Variants in NR2E1 observed in about 807,000 individuals in gnomAD.
The protein encoded by NR2E1 is nuclear receptor TLX.
In NR2E1, 5 loss-of-function variants were observed where a neutral mutation model predicts 43.6. The observed-to-expected ratio is 0.11, with a 90% CI of 0.06 to 0.24. The LOEUF (loss-of-function observed/expected upper bound fraction) is 0.24, where lower values mean the gene tolerates loss of function less well. Ranked by LOEUF, NR2E1 falls within the 10% of genes least tolerant of loss-of-function variation. NR2E1 has a pLI of 1.00. For missense variants in NR2E1, 287 were observed against 496.7 expected, an observed-to-expected ratio of 0.58 and a Z score of 4.01; for synonymous variants, 191 against 195.5, an observed-to-expected ratio of 0.98 and a Z score of 0.19.
At chr6:108,171,624 C>T (rs560309420) in intron 2 of NR2E1, 21 bp downstream of exon 2, 1 of 1,613,752 alleles carries the variant, frequency 6.2e-7, no homozygotes, top group Non-Finnish European at 8.5e-7. Context: ...CAGGGCTGCA[C>T]TGCTGGGCTC....
At position 108,181,088 on chromosome 6, in the gene NR2E1, TG is replaced by T. The variant is rs760105164; in HGVS notation, c.889+134del. On this transcript the variant is annotated intron_variant, in intron 7 of 8. Transcript: ENST00000368986. ...TTCAAGGGAGCTGATACTCTTAATC[TG>T]GCCCCATTTTTTATTGCTATGGGAA... 2.8e-4 allele frequency: 281 copies of T among 993,760 alleles called. 1 individual carries two copies. The highest frequency in any genetic ancestry group is 4.3e-4 in the Non-Finnish European group (272 of 625,656). 61.6% of individuals were successfully genotyped at this position (993,760 alleles called of 1,614,324 possible).
At chr6:108,185,781 A>G (rs938778105) in intron 8 of NR2E1, among the ~76,000 whole-genome samples, 1 of 152,224 alleles carries the variant, frequency 6.6e-6, no homozygotes, top group Non-Finnish European at 1.5e-5. Flanking sequence ...CCCTTTCCCA[A>G]CTAAAGAATA....
At chr6:108,177,373 C>G (rs1267956782) in intron 4 of NR2E1, among the ~76,000 whole-genome samples, 1 of 152,228 alleles carries the variant, frequency 6.6e-6, no homozygotes, top group Non-Finnish European at 1.5e-5. Context: ...CCTGAACCAC[C>G]TGGAAAGGCT....
In NR2E1 at chr6:108,169,416, G is replaced by A. The variant is rs1366623862; in HGVS notation, c.26-2042G>A. 6.6e-6 allele frequency among the ~76,000 whole-genome samples: 1 copy of A among 152,168 alleles called. No homozygotes were observed. Among genetic ancestry groups the A allele is most frequent in the Non-Finnish European group, 1.5e-5 (1 of 68,040 alleles). Reference sequence around the variant, plus strand: ...AGATGTTGTCATGGGCCTCCTGTCCGGATGGGAAGTGGGGAAAAAGAGACC... The same window carrying A: ...AGATGTTGTCATGGGCCTCCTGTCCAGATGGGAAGTGGGGAAAAAGAGACC... On this transcript the variant is annotated intron_variant, in intron 1 of 8. Transcript: ENST00000368986. The surrounding 1 kb of genome is among the most constrained non-coding windows in gnomAD (Gnocchi z 6.1).
At chr6:108,171,714 TG>T (rs1773815261) in intron 2 of NR2E1, 111 bp downstream of exon 2, 3 of 1,376,660 alleles carry the variant, frequency 2.2e-6, no homozygotes, top group Non-Finnish European at 3.1e-6. Context: ...GACCCGGCCC[TG>T]ACCTCTCCCT....
chr6:108,178,140 G>A lies in NR2E1; in HGVS notation c.541G>A (p.Ala181Thr). The A allele has an allele frequency of 5.0e-6, 8 of 1,614,160 alleles. No homozygotes were observed. Among genetic ancestry groups the A allele is most frequent in the Non-Finnish European group, 6.8e-6 (8 of 1,180,034 alleles). ...GACCCCAATGTATCTCTATGAAGTG[G>A]CCACGGAGTCGGTGTGTGAATCAGC... is the stretch of plus-strand genomic sequence containing the variant. ...NGTPMYLYEV[A>T]TESVCESAAR... The change falls in exon 5 of 9, where the codon GCC becomes ACC. Residue 181 changes from alanine to threonine, a missense_variant. Physicochemically the swap from Ala to Thr is moderately conservative, Grantham distance 58 (BLOSUM62 0). Transcript: ENST00000368986.
intron 7 of NR2E1, 49 bp from the exon 8 acceptor site, chr6:108,181,497 G>T: frequency 6.7e-7 from 1 of 1,497,332 alleles, no homozygotes. Flanking sequence ...TCGGCTCCCA[G>T]ATGCAATTTC....
In NR2E1 at chr6:108,169,174, C is replaced by T. The variant is rs1264242325; in HGVS notation, c.26-2284C>T. On this transcript the variant is annotated intron_variant, in intron 1 of 8. Coordinates refer to ENST00000368986, the MANE Select transcript of NR2E1 (RefSeq NM_003269.5). This position sits in a 1 kb window ranked among gnomAD's most constrained non-coding sequence, Gnocchi z 6.1. ...GAGTCTGAGGCACAGGCCCGCTATG[C>T]CCCGGAATTTTCGCGTCCCTCCCTC... 6.6e-6 allele frequency among the ~76,000 whole-genome samples: 1 copy of T among 152,182 alleles called. No individual in the cohort carries two copies. The highest frequency in any genetic ancestry group is 1.5e-5 in the Non-Finnish European group (1 of 68,014).
In NR2E1 at chr6:108,178,114, G is replaced by T. The variant is rs763298199; in HGVS notation, c.515G>T (p.Gly172Val). The T allele has an allele frequency of 1.2e-6, 2 of 1,614,130 alleles. No individual in the cohort carries two copies. The highest frequency in any genetic ancestry group is 1.7e-6 in the Non-Finnish European group (2 of 1,180,040). The change falls in exon 5 of 9, where the codon GGG becomes GTG. Residue 172 changes from glycine to valine, a missense_variant. Physicochemically the swap from Gly to Val is moderately radical, Grantham distance 109 (BLOSUM62 -3). This residue lies in a region of NR2E1 where 119 missense variants were observed against 155.7 expected (regional missense o/e 0.76). Coordinates refer to ENST00000368986, the MANE Select transcript of NR2E1 (RefSeq NM_003269.5). ...PTPKYPHEVN[G>V]TPMYLYEVAT... ...ACCCAGTACCCCCATGAAGTGAATG[G>T]GACCCCAATGTATCTCTATGAAGTG...
At chr6:108,171,373 T>C in intron 1 of NR2E1, 85 bp from the exon 2 acceptor site, 1 of 1,425,030 alleles carries the variant, frequency 7.0e-7, no homozygotes, top group Middle Eastern at 2.1e-4. Flanking sequence ...AGCATCTCTC[T>C]CTCCCTCTCC....
chr6:108,170,333 A>G (rs1773790175), intron 1 of NR2E1, among the ~76,000 whole-genome samples: 1 of 152,212 alleles, frequency 6.6e-6, no homozygotes, highest in Non-Finnish European at 1.5e-5. Context: ...TTAAAGTGTT[A>G]ATTAAGTTAA....
chr6:108,183,360 A>G (rs1562406878), intron 8 of NR2E1, among the ~76,000 whole-genome samples: 1 of 152,010 alleles, frequency 6.6e-6, no homozygotes, highest in Non-Finnish European at 1.5e-5. Context: ...AAAAAAAAAA[A>G]GAAGAAGTGT....
In NR2E1 at chr6:108,176,596, C is replaced by G. The variant is rs150623337; in HGVS notation, c.353C>G (p.Ala118Gly). 47 of 1,612,646 alleles carry G rather than the reference C, an allele frequency of 2.9e-5. No individual in the cohort carries two copies. The highest frequency in any genetic ancestry group is 3.8e-5 in the Non-Finnish European group (45 of 1,179,886). ...CACAAGGAGGAGAACGGGGCCGCCGCGCACTTTCCCTCGGCGGCGCTCCCT... is the reference window on the plus strand; with the variant it reads ...CACAAGGAGGAGAACGGGGCCGCCGGGCACTTTCCCTCGGCGGCGCTCCCT... The part of the protein sequence containing the change: ...RGHKEENGAA[A>G]HFPSAALPAP... Residue 118 changes from alanine to glycine, a missense_variant, in exon 4 of 9, where the codon GCG (alanine) becomes GGG (glycine). Transcript: ENST00000368986.
intron 5 of NR2E1, among the ~76,000 whole-genome samples, chr6:108,178,537 C>T (rs1014758839): frequency 6.6e-5 from 10 of 152,150 alleles, no homozygotes; most frequent in African/African-American, 2.4e-4. Flanking sequence ...CAAATATAAT[C>T]TCAAATTTTA....
At chr6:108,182,244 A>G (rs548955009) in intron 8 of NR2E1, among the ~76,000 whole-genome samples, 73 of 144,764 alleles carry the variant, frequency 5.0e-4, no homozygotes, top group African/African-American at 2.0e-3. Context: ...TCCGTCTCAA[A>G]AAAAAAAAAA....
At chr6:108,183,425 CTT>C (rs1332820732) in intron 8 of NR2E1, among the ~76,000 whole-genome samples, 1 of 151,358 alleles carries the variant, frequency 6.6e-6, no homozygotes, top group Non-Finnish European at 1.5e-5. Context: ...GAAATGGAAA[CTT>C]TCTAGTTTCC....
chr6:108,174,760 T>A (rs1773869053), intron 2 of NR2E1, 76 bp from the exon 3 acceptor site: 2 of 1,313,960 alleles, frequency 1.5e-6, no homozygotes, highest in South Asian at 2.4e-5. Context: ...CCACACCGTT[T>A]CCCCGCCCGG....
At chr6:108,172,486 A>G (rs778265609) in intron 2 of NR2E1, among the ~76,000 whole-genome samples, 1 of 152,198 alleles carries the variant, frequency 6.6e-6, no homozygotes, top group Non-Finnish European at 1.5e-5. Context: ...TTCCAGCTCA[A>G]TAATAGGCTG....
Position 108,166,439 on chromosome 6 carries a change from T to C in NR2E1, c.-327T>C, listed in dbSNP as rs577766468. The C allele has an allele frequency of 4.8e-5, 16 of 334,652 alleles. No homozygotes were observed. The highest frequency in any genetic ancestry group is 2.9e-4 in the African/African-American group (13 of 45,580). 20.7% of individuals were successfully genotyped at this position (334,652 alleles called of 1,614,324 possible). ...CTCCATCTCTGTCTTTCAACATCCC[T>C]CTCTTGCTGTTCTTCCTTCTTCCTC... is the stretch of plus-strand genomic sequence containing the variant. On this transcript the variant is annotated 5_prime_UTR_variant, in exon 1 of 9. Coordinates refer to ENST00000368986, the MANE Select transcript of NR2E1 (RefSeq NM_003269.5). The surrounding 1 kb of genome is among the most constrained non-coding windows in gnomAD (Gnocchi z 7.2).
Sources: allele counts gnomAD v4.1 joint callset (sites outside exome capture counted in the v4.1 genomes callset), GRCh38; gene constraint gnomAD v4.1.1; regional missense constraint gnomAD v4.1.1; non-coding constraint Gnocchi (gnomAD v3.1); transcripts MANE v1.5; gene names NCBI Gene and HGNC (gene_info 2026-07-23, HGNC 2026-07-21).